The following PKHD1 variants were observed in gnomAD, a reference collection of about 807,000 sequenced individuals.
PKHD1 encodes PKHD1 ciliary IPT domain containing fibrocystin/polyductin, also known as fibrocystin.
PKHD1 carries 291 observed loss-of-function variants against 412.0 expected under a neutral mutation model. That is an observed-to-expected ratio of 0.71 (90% CI 0.64 to 0.78). PKHD1 has a LOEUF of 0.78. Among genes scored for constraint, PKHD1 ranks in the 30% least tolerant of loss-of-function variants. The probability of loss-of-function intolerance (pLI) is 0.00; values close to 1 mark genes in which losing one functional copy is unlikely to be tolerated. For missense variants in PKHD1, 4,825 were observed against 4,950.7 expected, an observed-to-expected ratio of 0.97 and a Z score of 0.76; for synonymous variants, 1,777 against 1,821.5, an observed-to-expected ratio of 0.98 and a Z score of 0.62.
At chr6:51,685,528 T>C (rs1209047982) in intron 60 of PKHD1, among the ~76,000 whole-genome samples, 7 of 152,164 alleles carry the variant, frequency 4.6e-5, no homozygotes, top group Admixed American at 4.6e-4. Flanking sequence ...TTTTACTACT[T>C]CTATAAAATC....
intron 52 of PKHD1, among the ~76,000 whole-genome samples, chr6:51,824,104 T>C (rs753555392): frequency 6.6e-6 from 1 of 152,154 alleles, no homozygotes; most frequent in African/African-American, 2.4e-5. Flanking sequence ...TTACAATTTA[T>C]AAAACACATT....
At chr6:51,923,708 C>A (rs139085333) in intron 37 of PKHD1, among the ~76,000 whole-genome samples, 1 of 152,090 alleles carries the variant, frequency 6.6e-6, no homozygotes, top group African/African-American at 2.4e-5. Flanking sequence ...TGAAAGAAAC[C>A]GGTTCTTTGT....
At chr6:51,862,391 CT>C (rs1385419544) in intron 48 of PKHD1, among the ~76,000 whole-genome samples, 1 of 152,118 alleles carries the variant, frequency 6.6e-6, no homozygotes, top group Non-Finnish European at 1.5e-5. Flanking sequence ...ATTTTTAGAT[CT>C]TTTTCTACTT....
At chr6:51,724,415 C>T (rs1475445754) in intron 60 of PKHD1, among the ~76,000 whole-genome samples, 1 of 152,148 alleles carries the variant, frequency 6.6e-6, no homozygotes, top group Admixed American at 6.5e-5. Context: ...TCATCTGGCC[C>T]TTCTTTGAAT....
At chr6:51,881,061 C>T (rs1006421594) in intron 46 of PKHD1, among the ~76,000 whole-genome samples, 1 of 143,654 alleles carries the variant, frequency 7.0e-6, no homozygotes, top group African/African-American at 2.6e-5. Flanking sequence ...AGGTCAGGAA[C>T]CCTCTTTTTC....
chr6:52,015,917 G>C (rs1037150360), intron 34 of PKHD1, among the ~76,000 whole-genome samples: 2 of 152,206 alleles, frequency 1.3e-5, no homozygotes. Flanking sequence ...CATAGGTAAA[G>C]CTATACTGTC....
chr6:51,685,872 C>G (rs755132355), intron 60 of PKHD1, among the ~76,000 whole-genome samples: 1 of 152,058 alleles, frequency 6.6e-6, no homozygotes, highest in African/African-American at 2.4e-5. Flanking sequence ...TATGGTGGAG[C>G]CTTGGAAAAC....
chr6:51,938,848 C>T lies in PKHD1; in HGVS notation c.5909-4526G>A, dbSNP rs185427904. ...ATCCGGTAAGCAGCCTCTTTTTACTCTCTTCTCCAACCTCTCTCACTATCC... is the reference window on the plus strand; with the variant it reads ...ATCCGGTAAGCAGCCTCTTTTTACTTTCTTCTCCAACCTCTCTCACTATCC... On this transcript the variant is annotated intron_variant, in intron 36 of 66. Transcript: ENST00000371117. Among the ~76,000 whole-genome samples the T allele has an allele frequency of 2.7e-3, 403 of 151,716 alleles. 7 individuals carry two copies. The highest frequency in any genetic ancestry group is 4.8e-3 in the Non-Finnish European group (324 of 67,748).
At chr6:52,002,650 C>G (rs928748173) in intron 35 of PKHD1, among the ~76,000 whole-genome samples, 5 of 151,356 alleles carry the variant, frequency 3.3e-5, no homozygotes, top group African/African-American at 1.2e-4. Context: ...AAGATGCACA[C>G]TAAGTGGGTC....
chr6:51,912,211 C>T (rs866883736), intron 38 of PKHD1, among the ~76,000 whole-genome samples, 155 bp downstream of exon 38: 5 of 152,206 alleles, frequency 3.3e-5, no homozygotes, highest in East Asian at 1.9e-4. Context: ...ATCTTCAAAA[C>T]ATTTCATGCT....
chr6:51,982,190 G>A (rs1583697312), intron 35 of PKHD1, among the ~76,000 whole-genome samples: 2 of 45,920 alleles, frequency 4.4e-5, no homozygotes, highest in Admixed American at 3.0e-4. Flanking sequence ...GGAGGTGGGG[G>A]GGTCAGCCCC....
chr6:51,936,735 A>C (rs1232891291), intron 36 of PKHD1, among the ~76,000 whole-genome samples: 1 of 152,214 alleles, frequency 6.6e-6, no homozygotes, highest in East Asian at 1.9e-4. Context: ...TTTGGAATTC[A>C]GAAATAAGTA....
Position 51,624,511 on chromosome 6 carries a change from CA to C in PKHD1, c.11785+2485del, listed in dbSNP as rs200381494. Among the ~76,000 whole-genome samples, 664 of 152,070 alleles carry C rather than the reference CA, an allele frequency of 4.4e-3. 3 individuals are homozygous for C. The highest frequency in any genetic ancestry group is 0.015 in the African/African-American group (638 of 41,502). ...AGCCAGCAGAAAACTGTTAGGACCC[CA>C]AAAAAATGTGCATTCATCATCCTTT... On this transcript the variant is annotated intron_variant, in intron 66 of 66. Transcript: ENST00000371117.
At chr6:51,996,875 A>G (rs912068633) in intron 35 of PKHD1, among the ~76,000 whole-genome samples, 2 of 152,234 alleles carry the variant, frequency 1.3e-5, no homozygotes, top group Non-Finnish European at 2.9e-5. Context: ...TCCACTTATC[A>G]ACAGCTTCAA....
chr6:51,686,589 T>G (rs965776682), intron 60 of PKHD1, among the ~76,000 whole-genome samples: 10 of 152,198 alleles, frequency 6.6e-5, no homozygotes, highest in Admixed American at 2.6e-4. Context: ...ATAGCACTTA[T>G]AACTTTATAA....
intron 37 of PKHD1, among the ~76,000 whole-genome samples, chr6:51,913,041 T>C (rs1783213119): frequency 6.6e-6 from 1 of 152,108 alleles, no homozygotes; most frequent in Non-Finnish European, 1.5e-5. Flanking sequence ...TACCACATAA[T>C]AGACCCTAAG....
intron 35 of PKHD1, among the ~76,000 whole-genome samples, chr6:51,980,965 A>G (rs1426770929): frequency 6.6e-6 from 1 of 152,228 alleles, no homozygotes; most frequent in Non-Finnish European, 1.5e-5. Context: ...GTAGCATAGC[A>G]ATATTTGTCC....
chr6:51,633,148 A>T (rs2150306539), intron 64 of PKHD1, among the ~76,000 whole-genome samples: 1 of 152,314 alleles, frequency 6.6e-6, no homozygotes, highest in Admixed American at 6.5e-5. Flanking sequence ...AAACAGGGGC[A>T]TAGGGACTCC....
intron 43 of PKHD1, among the ~76,000 whole-genome samples, chr6:51,902,767 G>T (rs972575552): frequency 6.6e-6 from 1 of 152,140 alleles, no homozygotes; most frequent in Non-Finnish European, 1.5e-5. Flanking sequence ...GTTCACTCAG[G>T]TCTACAGCTA....
Sources: allele counts gnomAD v4.1 joint callset (sites outside exome capture counted in the v4.1 genomes callset), GRCh38; gene constraint gnomAD v4.1.1; transcripts MANE v1.5; gene names NCBI Gene and HGNC (gene_info 2026-07-23, HGNC 2026-07-21).